The following WDFY4 variants were observed in gnomAD, a reference collection of about 807,000 sequenced individuals.
The protein encoded by WDFY4 is WD repeat- and FYVE domain-containing protein 4.
In WDFY4, 169 loss-of-function variants were observed where a neutral mutation model predicts 351.9. That is an observed-to-expected ratio of 0.48 (90% confidence interval 0.42 to 0.55). The LOEUF is 0.55. WDFY4 is among the 20% of genes least tolerant of loss of function. WDFY4 has a pLI of 0.00. For synonymous variants in WDFY4, 1,622 were observed against 1,574.6 expected, an observed-to-expected ratio of 1.03 and a Z score of -0.71; for missense variants, 3,803 against 3,935.6, an observed-to-expected ratio of 0.97 and a Z score of 0.90.
chr10:48,743,142 C>G lies in WDFY4; in HGVS notation c.2053C>G (p.Leu685Val), dbSNP rs780638878. The part of the protein sequence containing the change: ...RQTLELVLYT[L>V]CAVSAALHWD... ...GACCCTGGAGCTGGTTTTGTACACT[C>G]TCTGTGCTGTGTCCGCAGCGCTGCA... The change falls in exon 12 of 62, where the codon CTC (leucine) becomes GTC (valine). Residue 685 changes from leucine to valine, a missense_variant. By Grantham distance (32) the Leu-to-Val change is conservative. This residue lies in a region of WDFY4 where 3,054 missense variants were observed against 3,148.6 expected (regional missense o/e 0.97). Coordinates refer to ENST00000325239, the MANE Select transcript of WDFY4 (RefSeq NM_001394531.1). 2.3e-5 allele frequency: 36 copies of G among 1,551,584 alleles called. No individual in the cohort carries two copies. Among genetic ancestry groups the G allele is most frequent in the Non-Finnish European group, 2.9e-5 (33 of 1,147,004 alleles).
intron 13 of WDFY4, among the ~76,000 whole-genome samples, chr10:48,763,154 C>A (rs960102015): frequency 3.9e-5 from 6 of 152,226 alleles, no homozygotes; most frequent in Admixed American, 6.5e-5. Flanking sequence ...CATTAGACAT[C>A]ACCTCTGTGC....
chr10:48,834,744 G>A (rs147017966), intron 39 of WDFY4, among the ~76,000 whole-genome samples: 64 of 152,352 alleles, frequency 4.2e-4, no homozygotes, highest in African/African-American at 1.5e-3. Context: ...TGCTGGGCAT[G>A]GGCATTCATC....
chr10:48,813,921 C>A, intron 30 of WDFY4, 36 bp from the exon 31 acceptor site: 1 of 1,474,870 alleles, frequency 6.8e-7, no homozygotes, highest in Non-Finnish European at 9.0e-7. Flanking sequence ...GGTGAGTAGC[C>A]GCAGGTCTGC....
rs965757527 is a variant in WDFY4 at position 48,721,192 on chromosome 10, G to C, written c.350-69G>C. On this transcript the variant is annotated intron_variant, in intron 3 of 61. Coordinates refer to ENST00000325239, the MANE Select transcript of WDFY4 (RefSeq NM_001394531.1). Reference sequence around the variant, plus strand: ...CTCAGGCACATCTCCTGGGAAGAGGGGGCCCTGGATGGAGGGGAAGCTGAG... The same window carrying C: ...CTCAGGCACATCTCCTGGGAAGAGGCGGCCCTGGATGGAGGGGAAGCTGAG... 59 of 1,434,508 alleles carry C rather than the reference G, an allele frequency of 4.1e-5. 1 individual carries two copies. The African/African-American group carries it at 7.8e-4, about 19-fold the overall frequency. 88.9% of individuals were successfully genotyped at this position (1,434,508 alleles called of 1,614,324 possible). A position where few individuals can be genotyped will look rare whatever the true frequency, so the allele number is the denominator to read the frequency against.
intron 34 of WDFY4, among the ~76,000 whole-genome samples, chr10:48,822,108 C>T (rs2067844187): frequency 6.6e-6 from 1 of 152,202 alleles, no homozygotes; most frequent in African/African-American, 2.4e-5. Context: ...ACATTCTCCC[C>T]CATCCTCCTC....
chr10:48,796,784 T>C (rs1288078749), intron 24 of WDFY4, among the ~76,000 whole-genome samples: 1 of 152,324 alleles, frequency 6.6e-6, no homozygotes, highest in African/African-American at 2.4e-5. Flanking sequence ...CATATACATA[T>C]GAGGGTAAAG....
Position 48,729,478 on chromosome 10 carries a change from C to A in WDFY4, c.1018C>A (p.Leu340Ile). The A allele has an allele frequency of 6.4e-7, 1 of 1,551,610 alleles. No individual in the cohort carries two copies. The highest frequency in any genetic ancestry group is 1.2e-5 in the South Asian group (1 of 84,058). The change falls in exon 8 of 62, where the codon CTC (leucine) becomes ATC (isoleucine). Residue 340 changes from leucine to isoleucine, a missense_variant. Around this residue, in one of 3 missense-constraint regions of WDFY4, gnomAD observed 488 missense variants for 456.8 expected, o/e 1.07. Transcript: ENST00000325239. Reference sequence around the variant, plus strand: ...CGAAGTGGACCCGCATCTGGAGGAGCTCCTTGGGCTGGTGGTGTGGCTGAC... The same window carrying A: ...CGAAGTGGACCCGCATCTGGAGGAGATCCTTGGGCTGGTGGTGTGGCTGAC... ...QSEVDPHLEE[L>I]LGLVVWLTTC...
chr10:48,955,063 G>A (rs1841518930), intron 51 of WDFY4, among the ~76,000 whole-genome samples: 1 of 152,140 alleles, frequency 6.6e-6, no homozygotes, highest in Non-Finnish European at 1.5e-5. Flanking sequence ...AGCTGCAAAA[G>A]GGAAACAGGA....
At chr10:48,786,563 T>C (rs1565195867) in intron 19 of WDFY4, 76 bp from the exon 20 acceptor site, 1 of 1,117,034 alleles carries the variant, frequency 9.0e-7, no homozygotes, top group East Asian at 2.6e-5. Flanking sequence ...AGATGCATCA[T>C]GTTATATCAC....
At chr10:48,800,163 C>T (rs11101499) in intron 24 of WDFY4, among the ~76,000 whole-genome samples, 7,599 of 152,280 alleles carry the variant, frequency 0.05, 243 homozygotes, top group Middle Eastern at 0.082. Flanking sequence ...GGATTACAAG[C>T]GTGAGCCACC....
chr10:48,817,392 C>A lies in WDFY4; in HGVS notation c.5488C>A (p.Pro1830Thr). 1 of 1,550,622 alleles carries A rather than the reference C, an allele frequency of 6.4e-7. No homozygotes were observed. Among genetic ancestry groups the A allele is most frequent in the South Asian group, 1.2e-5 (1 of 84,006 alleles). The change falls in exon 32 of 62, where the codon CCC becomes ACC. Residue 1830 changes from proline (P) to threonine (T), a missense_variant. Physicochemically the swap from Pro to Thr is conservative, Grantham distance 38 (BLOSUM62 -1). This residue lies in a region of WDFY4 where 3,054 missense variants were observed against 3,148.6 expected (regional missense o/e 0.97). Coordinates refer to ENST00000325239, the MANE Select transcript of WDFY4 (RefSeq NM_001394531.1). ...FLQTLAIAAF[P>T]LGAQKGVGAE... ...CCAGACCTTGGCCATAGCCGCCTTCCCCCTGGGAGCCCAAAAGGTAGGACA... is the reference window on the plus strand; with the variant it reads ...CCAGACCTTGGCCATAGCCGCCTTCACCCTGGGAGCCCAAAAGGTAGGACA...
intron 23 of WDFY4, among the ~76,000 whole-genome samples, chr10:48,791,159 C>T (rs1013128347): frequency 6.6e-6 from 1 of 152,254 alleles, no homozygotes; most frequent in Non-Finnish European, 1.5e-5. Context: ...TGGCCCTTTT[C>T]ACTGACAAAT....
chr10:48,792,274 C>T (rs74648952), intron 23 of WDFY4, among the ~76,000 whole-genome samples: 38 of 152,324 alleles, frequency 2.5e-4, no homozygotes, highest in African/African-American at 9.1e-4. Context: ...ATTCTCTTCC[C>T]CCAGCTGAGC....
chr10:48,823,612 C>T, intron 35 of WDFY4: 2 of 1,030,204 alleles, frequency 1.9e-6, no homozygotes, highest in Non-Finnish European at 2.3e-6. Flanking sequence ...AGAAATAGCC[C>T]TTGTCAGCTC....
intron 13 of WDFY4, among the ~76,000 whole-genome samples, chr10:48,768,562 A>T (rs2065750554): frequency 6.6e-6 from 1 of 152,164 alleles, no homozygotes; most frequent in Non-Finnish European, 1.5e-5. Context: ...ACTATCTGTC[A>T]GCCCTCTGGG....
At chr10:48,696,850 G>C (rs941988896) in intron 1 of WDFY4, among the ~76,000 whole-genome samples, 2 of 152,268 alleles carry the variant, frequency 1.3e-5, no homozygotes, top group African/African-American at 4.8e-5. Flanking sequence ...ACATATGTTG[G>C]CTTGCTTAAT....
intron 24 of WDFY4, among the ~76,000 whole-genome samples, chr10:48,801,087 C>T (rs1039468699): frequency 4.6e-5 from 7 of 152,154 alleles, no homozygotes; most frequent in Non-Finnish European, 8.8e-5. Flanking sequence ...ACAGTCATCT[C>T]AGGGGTGGGG....
intron 15 of WDFY4, 118 bp from the exon 16 acceptor site, chr10:48,776,632 C>T (rs1467078932): frequency 2.9e-6 from 3 of 1,031,232 alleles, no homozygotes; most frequent in Non-Finnish European, 4.1e-6. Flanking sequence ...TAGGAAGTAC[C>T]TGGTGACTGT....
chr10:48,847,022 G>C (rs2133151861), intron 39 of WDFY4, among the ~76,000 whole-genome samples: 1 of 152,296 alleles, frequency 6.6e-6, no homozygotes, highest in East Asian at 1.9e-4. Flanking sequence ...TGGAGTGAAA[G>C]TTCCTATATT....
Sources: allele counts gnomAD v4.1 joint callset (sites outside exome capture counted in the v4.1 genomes callset), GRCh38; gene constraint gnomAD v4.1.1; regional missense constraint gnomAD v4.1.1; transcripts MANE v1.5; gene names NCBI Gene and HGNC (gene_info 2026-07-23, HGNC 2026-07-21).